The following ZNF418 variants were observed in gnomAD, a reference collection of about 807,000 sequenced individuals.
ZNF418 encodes zinc finger protein 418.
A neutral mutation model predicts 32.0 loss-of-function variants in ZNF418; 32 were observed. The ratio of observed to expected loss-of-function variants is 1.00; its 90% CI spans 0.75 to 1.34. The LOEUF (loss-of-function observed/expected upper bound fraction) is 1.34, where lower values mean the gene tolerates loss of function less well. Ranked by LOEUF, ZNF418 falls within the 40% of genes most tolerant of loss-of-function variation. ZNF418 has a pLI of 0.00. For missense variants in ZNF418, 804 were observed against 812.5 expected (o/e 0.99, Z 0.13); for synonymous variants, 276 against 270.7 (o/e 1.02, Z -0.19).
chr19:57,932,385 G>T, intron 2 of ZNF418: 2 of 1,518,988 alleles, frequency 1.3e-6, no homozygotes, highest in Non-Finnish European at 1.8e-6. Context: ...GTGGCTGACA[G>T]AATTCAGAGT....
intron 4 of ZNF418, among the ~76,000 whole-genome samples, chr19:57,923,574 A>G (rs999006627): frequency 6.6e-6 from 1 of 151,406 alleles, no homozygotes; most frequent in African/African-American, 2.4e-5. Context: ...ACATATATAC[A>G]CATATATATA....
At position 57,928,038 on chromosome 19, in the gene ZNF418, C is replaced by T. The variant is rs1289951444; in HGVS notation, c.143G>A (p.Cys48Tyr). 3.3e-6 allele frequency: 5 copies of T among 1,528,968 alleles called. No individual in the cohort carries two copies. The African/African-American group carries it at 5.5e-5, about 17-fold the overall frequency. 94.7% of individuals were successfully genotyped at this position (1,528,968 alleles called of 1,614,324 possible). Residue 48 changes from cysteine (C) to tyrosine (Y), a missense_variant, in exon 4 of 6, where the codon TGT becomes TAT. Physicochemically the swap from Cys to Tyr is radical, Grantham distance 194. Transcript: ENST00000396147. ...AGGTGCCTCCTCATCTTCTGATCCA[C>T]ACCAACAACCTGAAAGCAAGAAAAT... The part of the protein sequence containing the change: ...WVLISSLGCW[C>Y]GSEDEEAPSK...
In ZNF418 at chr19:57,927,822, T is replaced by C. The variant is rs1402940314; in HGVS notation, c.359A>G (p.Tyr120Cys). 9 of 1,614,046 alleles carry C rather than the reference T, an allele frequency of 5.6e-6. No individual in the cohort carries two copies. Among genetic ancestry groups the C allele is most frequent in the Non-Finnish European group, 7.6e-6 (9 of 1,180,018 alleles). ...CTGGTGCGGACGGTTTGAACTATCA[T>C]ACAATTTATTCCCCCATGCCTCACA... ...HRCEAWGNKL[Y>C]DSSNRPHQNQ... Residue 120 changes from tyrosine to cysteine, a missense_variant, in exon 4 of 6, where the codon TAT (tyrosine) becomes TGT (cysteine). Tyr to Cys is a radical substitution (Grantham distance 194). Around this residue, in one of 3 missense-constraint regions of ZNF418, gnomAD observed 307 missense variants for 304.9 expected, o/e 1.01. Coordinates refer to ENST00000396147, the MANE Select transcript of ZNF418 (RefSeq NM_133460.3).
chr19:57,922,967 T>A lies in ZNF418; in HGVS notation c.*625+225A>T, dbSNP rs966760920. Among the ~76,000 whole-genome samples the A allele has an allele frequency of 2.2e-5, 3 of 134,702 alleles. No individual in the cohort carries two copies. The Admixed American group carries it at 2.5e-4, about 11-fold the overall frequency. The allele number at this position is 134,702 out of a possible 152,430, so 88.4% of individuals were successfully genotyped here. On this transcript the variant is annotated intron_variant, in intron 5 of 5. Transcript: ENST00000396147. ...GTGAATTGTGATTGTGTCACTGTACTCCAGCCTGGGCAACAGAGTGACACT... is the reference window on the plus strand; with the variant it reads ...GTGAATTGTGATTGTGTCACTGTACACCAGCCTGGGCAACAGAGTGACACT...
chr19:57,932,973 C>T (rs112630479), intron 2 of ZNF418, among the ~76,000 whole-genome samples: 1,782 of 152,296 alleles, frequency 0.012, 37 homozygotes, highest in African/African-American at 0.039. Context: ...TTCATGAGCC[C>T]TTGCCTCCTT....
intron 2 of ZNF418, 120 bp from the exon 3 acceptor site, chr19:57,930,674 GA>G: frequency 7.0e-7 from 1 of 1,432,446 alleles, no homozygotes; most frequent in Non-Finnish European, 9.6e-7. Context: ...GCACAGAGGA[GA>G]AACTAGTCCA....
intron 4 of ZNF418, 136 bp from the exon 5 acceptor site, chr19:57,923,425 T>TAC (rs994539020): frequency 5.9e-5 from 9 of 151,446 alleles, no homozygotes; most frequent in African/African-American, 1.7e-4. Flanking sequence ...TATATATATA[T>TAC]ACATATACAC....
In ZNF418 at chr19:57,934,195, G is replaced by C; in HGVS notation, c.-80-293C>G. The C allele has an allele frequency of 2.6e-6, 3 of 1,143,250 alleles. No individual in the cohort carries two copies. In the South Asian group the frequency reaches 8.4e-5, roughly 32 times the overall value. 70.8% of individuals were successfully genotyped at this position (1,143,250 alleles called of 1,614,324 possible). A position where few individuals can be genotyped will look rare whatever the true frequency, so the allele number is the denominator to read the frequency against. ...AACATGTGAATGGGGAATAAGGCCA[G>C]TGAGGGAATGGAACACCCTCTAATT... On this transcript the variant is annotated intron_variant, in intron 1 of 5. Transcript: ENST00000396147.
At chr19:57,934,260 T>C (rs2072604131) in intron 1 of ZNF418, 1 of 1,024,692 alleles carries the variant, frequency 9.8e-7, no homozygotes. Flanking sequence ...AGTTTCGCTC[T>C]TGTTGCCCAG....
chr19:57,927,394 A>T lies in ZNF418; in HGVS notation c.787T>A (p.Cys263Ser), dbSNP rs769233435. ...CCCTTATGACTAAAAGATTTCCCAC[A>T]TTCTCCACATTCATAAGGTCTTTTC... The part of the protein sequence containing the change: ...TGKRPYECGE[C>S]GKSFSHKGSL... Residue 263 changes from cysteine (C) to serine (S), a missense_variant, in exon 4 of 6, where the codon TGT becomes AGT. Cys to Ser is a moderately radical substitution (Grantham distance 112, BLOSUM62 -1). This residue lies in a region of ZNF418 where 22 missense variants were observed against 49.0 expected (regional missense o/e 0.45). Transcript: ENST00000396147. 1.2e-6 allele frequency: 2 copies of T among 1,614,116 alleles called. No homozygotes were observed. The highest frequency in any genetic ancestry group is 1.7e-6 in the Non-Finnish European group (2 of 1,180,060).
chr19:57,933,603 C>T (rs2072567459), intron 2 of ZNF418, among the ~76,000 whole-genome samples: 1 of 152,180 alleles, frequency 6.6e-6, no homozygotes. Flanking sequence ...CGCCTGTAGT[C>T]CCAGCTACTC....
intron 4 of ZNF418, among the ~76,000 whole-genome samples, chr19:57,923,497 CATAT>C (rs1326120209): frequency 6.7e-6 from 1 of 149,398 alleles, no homozygotes; most frequent in African/African-American, 2.5e-5. Context: ...CATGTATATA[CATAT>C]ATACACACAC....
At position 57,926,007 on chromosome 19, in the gene ZNF418, G is replaced by A. The variant is rs2072200874; in HGVS notation, c.*143C>T. ...CACTCAAGAGGCCCTTCTGCAGTGG[G>A]AGCTCTTCTGTATGTAATAAAACAA... On this transcript the variant is annotated 3_prime_UTR_variant, in exon 4 of 6. Coordinates refer to ENST00000396147, the MANE Select transcript of ZNF418 (RefSeq NM_133460.3). The A allele has an allele frequency of 1.5e-6, 1 of 677,668 alleles. No homozygotes were observed. The highest frequency in any genetic ancestry group is 1.8e-5 in the African/African-American group (1 of 55,452). The allele number at this position is 677,668 out of a possible 1,614,324, so 42.0% of individuals were successfully genotyped here. A position where few individuals can be genotyped will look rare whatever the true frequency, so the allele number is the denominator to read the frequency against.
Position 57,927,746 on chromosome 19 carries a change from CA to C in ZNF418, c.434del (p.Leu145CysfsTer3). The C allele has an allele frequency of 1.2e-6, 2 of 1,614,216 alleles. No homozygotes were observed. The highest frequency in any genetic ancestry group is 1.7e-6 in the Non-Finnish European group (2 of 1,180,038). ...KPYRSSVEEA[L>X]FVKRCKFHVS... ...CATGGAACTTACACCTCTTCACAAA[CA>C]ATGCTTCCTCAACACTGCTTCTATA... On this transcript the variant is annotated frameshift_variant, in exon 4 of 6. Coordinates refer to ENST00000396147, the MANE Select transcript of ZNF418 (RefSeq NM_133460.3). LOFTEE classifies it high-confidence loss of function.
chr19:57,926,802 C>T lies in ZNF418; in HGVS notation c.1379G>A (p.Arg460Lys), dbSNP rs1181373516. 5.6e-6 allele frequency: 9 copies of T among 1,613,992 alleles called. No individual in the cohort carries two copies. Among genetic ancestry groups the T allele is most frequent in the Non-Finnish European group, 7.6e-6 (9 of 1,179,994 alleles). Reference sequence around the variant, plus strand: ...GTGGGACTTGCCCCTAAATAATTTCCTACACTCTCTACACTCATAAGGCCT... The same window carrying T: ...GTGGGACTTGCCCCTAAATAATTTCTTACACTCTCTACACTCATAAGGCCT... ...GERPYECREC[R>K]KLFRGKSHLI... Residue 460 changes from arginine (R) to lysine (K), a missense_variant, in exon 4 of 6, where the codon AGG becomes AAG. Coordinates refer to ENST00000396147, the MANE Select transcript of ZNF418 (RefSeq NM_133460.3).
Position 57,922,173 on chromosome 19 carries a change from T to C in ZNF418, c.*1082A>G, listed in dbSNP as rs1487486942. On this transcript the variant is annotated 3_prime_UTR_variant, in exon 6 of 6. Coordinates refer to ENST00000396147, the MANE Select transcript of ZNF418 (RefSeq NM_133460.3). ...GTGCTTGAGTTACTGCTGTCAGATA[T>C]ATCTGTTATACAGTGTCGAACTCCT... The C allele has an allele frequency of 6.4e-6, 1 of 156,936 alleles. No individual in the cohort carries two copies. Among genetic ancestry groups the C allele is most frequent in the Non-Finnish European group, 1.4e-5 (1 of 71,262 alleles). 9.7% of individuals were successfully genotyped at this position (156,936 alleles called of 1,614,324 possible).
In ZNF418 at chr19:57,927,075, G is replaced by C. The variant is rs772731413; in HGVS notation, c.1106C>G (p.Pro369Arg). Reference protein sequence around the residue: ...QHQRGHTSERPYECEECGKCF... With the variant: ...QHQRGHTSERRYECEECGKCF... ...TTTTCCACATTCTTCACACTCATAA[G>C]GTCTTTCACTAGTGTGACCTCGTTG... is the stretch of plus-strand genomic sequence containing the variant. Residue 369 changes from proline (P) to arginine (R), a missense_variant, in exon 4 of 6, where the codon CCT (proline) becomes CGT (arginine). Physicochemically the swap from Pro to Arg is moderately radical, Grantham distance 103. Around this residue, in one of 3 missense-constraint regions of ZNF418, gnomAD observed 475 missense variants for 458.6 expected, o/e 1.04. Transcript: ENST00000396147. 1 of 1,614,052 alleles carries C rather than the reference G, an allele frequency of 6.2e-7. No individual in the cohort carries two copies. Among genetic ancestry groups the C allele is most frequent in the Admixed American group, 1.7e-5 (1 of 60,010 alleles).
At chr19:57,928,998 A>C (rs1040720502) in intron 3 of ZNF418, among the ~76,000 whole-genome samples, 7 of 73,324 alleles carry the variant, frequency 9.5e-5, no homozygotes, top group Non-Finnish European at 1.5e-4. Context: ...CATCTCAAAA[A>C]CAAAAACAAA....
rs1161492581 is a variant in ZNF418, at chr19:57,930,408, G to A, written c.133+20C>T. ...GGCAGAGATCTATTCAGGAAATAGG[G>A]TAGGGTGTGAGGAACTTACCCAGGG... On this transcript the variant is annotated intron_variant, in intron 3 of 5. Transcript: ENST00000396147. 2 of 1,613,880 alleles carry A rather than the reference G, an allele frequency of 1.2e-6. No homozygotes were observed. The highest frequency in any genetic ancestry group is 1.1e-5 in the South Asian group (1 of 91,084).
Sources: allele counts gnomAD v4.1 joint callset (sites outside exome capture counted in the v4.1 genomes callset), GRCh38; gene constraint gnomAD v4.1.1; regional missense constraint gnomAD v4.1.1; transcripts MANE v1.5; gene names NCBI Gene and HGNC (gene_info 2026-07-23, HGNC 2026-07-21).